INTS7: variants seen among roughly 807,000 people sequenced by gnomAD.
INTS7 encodes integrator complex subunit 7, also known as chromosome 1 open reading frame 73.
In INTS7, 46 loss-of-function variants were observed where a neutral mutation model predicts 109.2. The observed-to-expected ratio is 0.42, with a 90% CI of 0.33 to 0.54. The LOEUF (loss-of-function observed/expected upper bound fraction) is 0.54. INTS7 is among the 20% of genes least tolerant of loss of function. The pLI is 0.07. For synonymous variants in INTS7, 412 were observed against 402.9 expected (o/e 1.02, Z -0.27); for missense variants, 929 against 1,132.4 (o/e 0.82, Z 2.58).
chr1:211,944,254 C>T (rs1253346712), intron 19 of INTS7, among the ~76,000 whole-genome samples: 2 of 152,114 alleles, frequency 1.3e-5, no homozygotes, highest in African/African-American at 2.4e-5. Flanking sequence ...GAAGGGACCT[C>T]CTGATGTAAG....
At chr1:211,986,496 A>G (rs200240477) in intron 8 of INTS7, among the ~76,000 whole-genome samples, 4 of 152,234 alleles carry the variant, frequency 2.6e-5, no homozygotes. Flanking sequence ...AAAATAAATA[A>G]GAAAAACGCC....
intron 5 of INTS7, among the ~76,000 whole-genome samples, chr1:212,009,201 A>G (rs1352706127): frequency 6.6e-6 from 1 of 152,084 alleles, no homozygotes; most frequent in East Asian, 1.9e-4. Context: ...CCACACTCCT[A>G]TGTTTTCCTC....
intron 15 of INTS7, among the ~76,000 whole-genome samples, chr1:211,967,556 T>C (rs1378726136): frequency 6.8e-6 from 1 of 147,826 alleles, no homozygotes; most frequent in Non-Finnish European, 1.5e-5. Flanking sequence ...TGAGGTGAAA[T>C]ACATGTTCTT....
chr1:211,953,069 C>T (rs943115135), intron 16 of INTS7, among the ~76,000 whole-genome samples: 1 of 152,124 alleles, frequency 6.6e-6, no homozygotes, highest in Admixed American at 6.6e-5. Context: ...TATGTAATAA[C>T]AGGTTAGATA....
intron 4 of INTS7, among the ~76,000 whole-genome samples, chr1:212,014,462 T>C (rs1666307304): frequency 1.9e-5 from 1 of 52,862 alleles, no homozygotes; most frequent in South Asian, 7.0e-4. Flanking sequence ...CAAAACTCCA[T>C]CTCAAAAAAA....
intron 18 of INTS7, among the ~76,000 whole-genome samples, chr1:211,945,742 C>T (rs1662820783): frequency 6.6e-6 from 1 of 152,176 alleles, no homozygotes. Context: ...CAGGGATAAT[C>T]CAGGAGATCT....
At chr1:211,952,743 TG>T (rs1663158893) in intron 16 of INTS7, 42 bp from the exon 17 acceptor site, 20 of 1,528,278 alleles carry the variant, frequency 1.3e-5, no homozygotes, top group East Asian at 2.3e-5. Flanking sequence ...CAAAATAGCA[TG>T]GCTATTTAAT....
intron 3 of INTS7, 35 bp downstream of exon 3, chr1:212,020,087 A>C: frequency 7.3e-7 from 1 of 1,373,012 alleles, no homozygotes; most frequent in Non-Finnish European, 9.7e-7. Context: ...CAGTTCAAAT[A>C]ATCTCATAGT....
intron 6 of INTS7, 106 bp from the exon 7 acceptor site, chr1:212,006,867 A>C: frequency 1.1e-5 from 10 of 895,862 alleles, no homozygotes; most frequent in Non-Finnish European, 1.7e-5. Flanking sequence ...CTCACTTCAA[A>C]TCAGAGCCCT....
chr1:211,972,841 G>T (rs1039715792), intron 13 of INTS7, among the ~76,000 whole-genome samples: 1 of 152,174 alleles, frequency 6.6e-6, no homozygotes, highest in African/African-American at 2.4e-5. Flanking sequence ...CATGATCTTA[G>T]AACAGGACCC....
In INTS7 at chr1:211,974,267, GAAAAAAAA is replaced by G. The variant is rs67430806; in HGVS notation, c.1815+891_1815+898del. Among the ~76,000 whole-genome samples, 35 of 107,024 alleles carry G rather than the reference GAAAAAAAA, an allele frequency of 3.3e-4. 1 individual carries two copies. The highest frequency in any genetic ancestry group is 1.3e-3 in the African/African-American group (34 of 26,450). The allele number at this position is 107,024 out of a possible 152,430, so 70.2% of individuals were successfully genotyped here. ...TATAGGAAACAACAATCTCTTCCCA[GAAAAAAAA>G]AATATATATATATATATATATATAT... On this transcript the variant is annotated intron_variant, in intron 13 of 19. Coordinates refer to ENST00000366994, the MANE Select transcript of INTS7 (RefSeq NM_015434.4).
chr1:212,034,907 G>A (rs1039773991), intron 1 of INTS7, among the ~76,000 whole-genome samples: 2 of 152,172 alleles, frequency 1.3e-5, no homozygotes, highest in African/African-American at 4.8e-5. Flanking sequence ...CTTGTAACCC[G>A]CAGGTAACAG....
chr1:211,978,433 G>C lies in INTS7; in HGVS notation c.1309C>G (p.Gln437Glu), dbSNP rs199769059. The C allele has an allele frequency of 3.7e-6, 6 of 1,614,186 alleles. No homozygotes were observed. The East Asian group carries it at 1.3e-4, about 36-fold the overall frequency. Residue 437 changes from glutamine (Q) to glutamate (E), a missense_variant, in exon 11 of 20, where the codon CAA (glutamine) becomes GAA (glutamate). Around this residue, in one of 2 missense-constraint regions of INTS7, gnomAD observed 787 missense variants for 901.1 expected, o/e 0.87. Transcript: ENST00000366994. ...GCAGCGTCTTGAGCACTGTGCAATT[G>C]AGTCAACAAGGTCTCAACTACTGAC... ...SQSVVETLLT[Q>E]LHSAQDAARI...
At chr1:212,034,265 T>C (rs1337899422) in intron 1 of INTS7, among the ~76,000 whole-genome samples, 1 of 152,132 alleles carries the variant, frequency 6.6e-6, no homozygotes, top group Non-Finnish European at 1.5e-5. Flanking sequence ...TTTTTGTGTT[T>C]ATCAAAATAA....
At chr1:212,004,492 C>T (rs933936586) in intron 7 of INTS7, among the ~76,000 whole-genome samples, 7 of 151,928 alleles carry the variant, frequency 4.6e-5, no homozygotes, top group Admixed American at 1.3e-4. Context: ...TAATATCAGA[C>T]GAAATAGACT....
At chr1:212,015,640 C>T (rs1666395989) in intron 4 of INTS7, among the ~76,000 whole-genome samples, 1 of 146,334 alleles carries the variant, frequency 6.8e-6, no homozygotes, top group Non-Finnish European at 1.5e-5. Context: ...CTGACCTTCC[C>T]TCCACTATTG....
At chr1:212,035,245 G>A in intron 1 of INTS7, 99 bp downstream of exon 1, 2 of 809,094 alleles carry the variant, frequency 2.5e-6, no homozygotes, top group Non-Finnish European at 4.3e-6. Context: ...GCGAAGACAT[G>A]CGCATGCGCC....
At chr1:212,023,957 T>C (rs1468684283) in intron 1 of INTS7, among the ~76,000 whole-genome samples, 1 of 152,222 alleles carries the variant, frequency 6.6e-6, no homozygotes, top group South Asian at 2.1e-4. Context: ...CTGTACCATT[T>C]ATTGCATAGG....
At chr1:212,020,518 TA>T (rs1666642866) in intron 2 of INTS7, among the ~76,000 whole-genome samples, 1 of 152,130 alleles carries the variant, frequency 6.6e-6, no homozygotes, top group African/African-American at 2.4e-5. Flanking sequence ...AGAGCAGAAC[TA>T]AATCTCCTCA....
Sources: gnomAD v4.1 joint callset for allele counts (sites outside exome capture counted in the v4.1 genomes callset) on GRCh38, gnomAD v4.1.1 for gene constraint, gnomAD v4.1.1 regional missense constraint, MANE v1.5 for transcripts, NCBI Gene and HGNC (gene_info 2026-07-23, HGNC 2026-07-21) for gene names.